LRIG2: variants seen among roughly 807,000 people sequenced by gnomAD.
LRIG2 encodes the protein leucine rich repeats and immunoglobulin like domains 2.
LRIG2 carries 93 observed loss-of-function variants against 107.8 expected under a neutral mutation model. The ratio of observed to expected loss-of-function variants is 0.86; its 90% confidence interval spans 0.73 to 1.03. LRIG2 has a LOEUF of 1.03. Among genes scored for constraint, LRIG2 ranks in the 50% least tolerant of loss-of-function variants. LRIG2 has a pLI of 0.00. For synonymous variants in LRIG2, 471 were observed against 470.6 expected, an observed-to-expected ratio of 1.00 and a Z score of -0.01; for missense variants, 1,226 against 1,296.0, an observed-to-expected ratio of 0.95 and a Z score of 0.83.
At chr1:113,113,545 T>C (rs1424325509) in intron 14 of LRIG2, among the ~76,000 whole-genome samples, 1 of 148,048 alleles carries the variant, frequency 6.8e-6, no homozygotes, top group Non-Finnish European at 1.5e-5. Flanking sequence ...TATTTATTTA[T>C]TTATTTATTT....
intron 6 of LRIG2, among the ~76,000 whole-genome samples, chr1:113,095,544 G>A (rs1654022137): frequency 6.6e-6 from 1 of 151,868 alleles, no homozygotes; most frequent in Non-Finnish European, 1.5e-5. Flanking sequence ...GAGTAGCTGG[G>A]ACTACAGGCG....
intron 17 of LRIG2, among the ~76,000 whole-genome samples, chr1:113,120,505 A>ATTTTT (rs751770841): frequency 9.5e-5 from 12 of 126,272 alleles, no homozygotes; most frequent in Non-Finnish European, 1.0e-4. Context: ...TACTGAGAAG[A>ATTTTT]TTTTTTTTTT....
At chr1:113,123,828 T>C (rs1402967768) in intron 17 of LRIG2, 47 bp from the exon 18 acceptor site, 1 of 1,517,834 alleles carries the variant, frequency 6.6e-7, no homozygotes, top group Non-Finnish European at 9.1e-7. Flanking sequence ...TAAAAGGATA[T>C]TAAGTTTTAC....
At chr1:113,122,075 CTTTTTTTTTTT>C (rs758568453) in intron 17 of LRIG2, among the ~76,000 whole-genome samples, 1 of 87,084 alleles carries the variant, frequency 1.1e-5, no homozygotes, top group South Asian at 4.6e-4. Flanking sequence ...TTAGGCTCAC[CTTTTTTTTTTT>C]TTTTTTTTTT....
Position 113,098,743 on chromosome 1 carries a change from A to G in LRIG2, c.1130A>G (p.Asp377Gly), listed in dbSNP as rs1446430607. ...AATGAAATTTCATGGGCCATAGAAGATGCTAGTGAAGCCTTTGCTGGACTC... is the reference window on the plus strand; with the variant it reads ...AATGAAATTTCATGGGCCATAGAAGGTGCTAGTGAAGCCTTTGCTGGACTC... ...RNNEISWAIE[D>G]ASEAFAGLTS... Residue 377 changes from aspartate (D) to glycine (G), a missense_variant, in exon 9 of 18, where the codon GAT becomes GGT. Asp to Gly is a moderately conservative substitution (Grantham distance 94). This residue lies in a region of LRIG2 where 570 missense variants were observed against 550.2 expected (regional missense o/e 1.04). Transcript: ENST00000361127. 6.8e-6 allele frequency: 11 copies of G among 1,613,064 alleles called. No homozygotes were observed. The highest frequency in any genetic ancestry group is 9.3e-6 in the Non-Finnish European group (11 of 1,179,286).
intron 11 of LRIG2, 122 bp downstream of exon 11, chr1:113,100,610 A>G (rs955836386): frequency 1.2e-5 from 7 of 589,678 alleles, no homozygotes; most frequent in Non-Finnish European, 2.2e-5. Context: ...GGAAAAAAGA[A>G]AGTATTAATA....
intron 17 of LRIG2, among the ~76,000 whole-genome samples, chr1:113,122,963 A>G (rs540023337): frequency 6.6e-6 from 1 of 152,358 alleles, no homozygotes; most frequent in South Asian, 2.1e-4. Flanking sequence ...TATGAAGTTA[A>G]TATAACTTTC....
chr1:113,094,507 TAAG>T, intron 5 of LRIG2, 25 bp downstream of exon 5: 1 of 1,586,344 alleles, frequency 6.3e-7, no homozygotes, highest in Non-Finnish European at 8.5e-7. Context: ...AGACGGATTA[TAAG>T]AAGATAGTTT....
rs994084796 is a variant in LRIG2 at position 113,130,225 on chromosome 1, TAGC to T, written c.*6127_*6129del. 6.6e-6 allele frequency: 1 copy of T among 152,052 alleles called. No individual in the cohort carries two copies. The highest frequency in any genetic ancestry group is 1.5e-5 in the Non-Finnish European group (1 of 68,006). 9.4% of individuals were successfully genotyped at this position (152,052 alleles called of 1,614,324 possible). A position where few individuals can be genotyped will look rare whatever the true frequency, so the allele number is the denominator to read the frequency against. On this transcript the variant is annotated 3_prime_UTR_variant, in exon 18 of 18. Coordinates refer to ENST00000361127, the MANE Select transcript of LRIG2 (RefSeq NM_014813.3). ...ATACAAGCTACTCTCCTGAAAAAAA[TAGC>T]AGGAACCCATTCCAATGTCCAAGCT...
intron 10 of LRIG2, 69 bp downstream of exon 10, chr1:113,100,351 C>T: frequency 6.9e-7 from 1 of 1,445,312 alleles, no homozygotes; most frequent in Non-Finnish European, 9.7e-7. Context: ...TTTTCATGAC[C>T]ATGTAAAGTG....
chr1:113,123,441 G>A (rs1314532038), intron 17 of LRIG2, among the ~76,000 whole-genome samples: 1 of 150,672 alleles, frequency 6.6e-6, no homozygotes, highest in African/African-American at 2.5e-5. Context: ...GGGCATGGTG[G>A]CACATGCCTG....
chr1:113,094,428 A>G lies in LRIG2; in HGVS notation c.605A>G (p.Asn202Ser). The change falls in exon 5 of 18, where the codon AAC (asparagine) becomes AGC (serine). Residue 202 changes from asparagine (N) to serine (S), a missense_variant. Asn to Ser is a conservative substitution (Grantham distance 46). Around this residue, in one of 3 missense-constraint regions of LRIG2, gnomAD observed 570 missense variants for 550.2 expected, o/e 1.04. Coordinates refer to ENST00000361127, the MANE Select transcript of LRIG2 (RefSeq NM_014813.3). Reference sequence around the variant, plus strand: ...TTATTAGTGGTAAAGTTAAACCGTAACCGAATGAGCATGATTCCACCTAAG... The same window carrying G: ...TTATTAGTGGTAAAGTTAAACCGTAGCCGAATGAGCATGATTCCACCTAAG... ...SSLLVVKLNR[N>S]RMSMIPPKIF... 6.2e-7 allele frequency: 1 copy of G among 1,613,520 alleles called. No homozygotes were observed. Among genetic ancestry groups the G allele is most frequent in the Non-Finnish European group, 8.5e-7 (1 of 1,179,894 alleles).
intron 1 of LRIG2, among the ~76,000 whole-genome samples, chr1:113,079,424 C>T (rs1557895099): frequency 6.6e-6 from 1 of 151,224 alleles, no homozygotes; most frequent in African/African-American, 2.4e-5. Flanking sequence ...AGTGCTCACA[C>T]CTGTAATCCC....
At chr1:113,086,008 T>G (rs1474465670) in intron 1 of LRIG2, among the ~76,000 whole-genome samples, 1 of 145,242 alleles carries the variant, frequency 6.9e-6, no homozygotes, top group African/African-American at 2.6e-5. Context: ...AGGTTTTTTT[T>G]TTTTTTTTTT....
intron 12 of LRIG2, 42 bp from the exon 13 acceptor site, chr1:113,110,200 T>G: frequency 7.2e-7 from 1 of 1,385,912 alleles, no homozygotes. Flanking sequence ...AAAGCAAAAA[T>G]AAATAACTGA....
chr1:113,110,032 T>G (rs1415904732), intron 12 of LRIG2, among the ~76,000 whole-genome samples: 1 of 152,356 alleles, frequency 6.6e-6, no homozygotes, highest in South Asian at 2.1e-4. Context: ...TGCCACTGAC[T>G]GACATGTCTT....
In LRIG2 at chr1:113,123,412, T is replaced by C. The variant is rs372963862; in HGVS notation, c.2972-463T>C. ...AACATGGTGAAACTCCTGTCTCTAC[T>C]AAATATACAAAATTAGCTGGGCATG... On this transcript the variant is annotated intron_variant, in intron 17 of 17. Coordinates refer to ENST00000361127, the MANE Select transcript of LRIG2 (RefSeq NM_014813.3). 7.2e-5 allele frequency among the ~76,000 whole-genome samples: 11 copies of C among 152,158 alleles called. 1 individual carries two copies. In the South Asian group the frequency reaches 2.3e-3, roughly 32 times the overall value.
chr1:113,087,866 G>T (rs1302917665), intron 1 of LRIG2, among the ~76,000 whole-genome samples: 2 of 152,090 alleles, frequency 1.3e-5, no homozygotes, highest in East Asian at 3.8e-4. Context: ...TTACAGTTTT[G>T]GAGTGACTGC....
chr1:113,083,653 C>T (rs1653391549), intron 1 of LRIG2, among the ~76,000 whole-genome samples: 1 of 151,612 alleles, frequency 6.6e-6, no homozygotes. Context: ...GCCAGCTGCA[C>T]ACTTTTAAGC....
Sources: gnomAD v4.1 joint callset for allele counts (sites outside exome capture counted in the v4.1 genomes callset) on GRCh38, gnomAD v4.1.1 for gene constraint, gnomAD v4.1.1 regional missense constraint, MANE v1.5 for transcripts, NCBI Gene and HGNC (gene_info 2026-07-23, HGNC 2026-07-21) for gene names.